The following SOX5 variants were observed in gnomAD, a reference collection of about 807,000 sequenced individuals.
SOX5 encodes transcription factor SOX-5.
A neutral mutation model predicts 92.0 loss-of-function variants in SOX5; 9 were observed. That is an observed-to-expected ratio of 0.10 (90% CI 0.06 to 0.17). The LOEUF (loss-of-function observed/expected upper bound fraction) is 0.17. SOX5 is among the 10% of genes least tolerant of loss of function. SOX5 has a pLI of 1.00. For missense variants in SOX5, 642 were observed against 944.5 expected, an observed-to-expected ratio of 0.68 and a Z score of 4.20; for synonymous variants, 344 against 336.3, an observed-to-expected ratio of 1.02 and a Z score of -0.25.
At chr12:23,909,089 C>T (rs1396273469) in intron 1 of SOX5, among the ~76,000 whole-genome samples, 2 of 152,126 alleles carry the variant, frequency 1.3e-5, no homozygotes, top group East Asian at 3.9e-4. Context: ...AGAAAATCAT[C>T]AAACTCCAGC....
At chr12:23,704,431 G>A (rs935553052) in intron 6 of SOX5, among the ~76,000 whole-genome samples, 2 of 151,328 alleles carry the variant, frequency 1.3e-5, no homozygotes, top group Admixed American at 1.3e-4. Flanking sequence ...GAATTTACAA[G>A]GAAATTATTA....
chr12:24,556,085 C>T (rs528889310), intron 1 of SOX5, among the ~76,000 whole-genome samples: 30 of 152,226 alleles, frequency 2.0e-4, no homozygotes, highest in African/African-American at 6.7e-4. Context: ...CAAGCTTCTT[C>T]CTACTCAATC....
chr12:23,809,835 A>G (rs1290291091), intron 3 of SOX5, among the ~76,000 whole-genome samples: 1 of 150,900 alleles, frequency 6.6e-6, no homozygotes, highest in Non-Finnish European at 1.5e-5. Context: ...AACAGACTGA[A>G]TTTCCCAATA....
At chr12:24,370,318 G>GA (rs919868261) in intron 1 of SOX5, among the ~76,000 whole-genome samples, 7 of 151,326 alleles carry the variant, frequency 4.6e-5, no homozygotes, top group South Asian at 2.1e-4. Context: ...ACTAAAAATA[G>GA]AAAAAAAATT....
chr12:23,721,005 T>G (rs1273734638), intron 6 of SOX5, among the ~76,000 whole-genome samples: 2 of 152,122 alleles, frequency 1.3e-5, no homozygotes, highest in Non-Finnish European at 2.9e-5. Context: ...CTGGACCATA[T>G]CTTCATCTAC....
intron 4 of SOX5, among the ~76,000 whole-genome samples, chr12:24,090,620 G>C (rs1458692510): frequency 2.6e-5 from 4 of 151,988 alleles, no homozygotes; most frequent in Non-Finnish European, 5.9e-5. Flanking sequence ...TTACAGTATG[G>C]CCAAAATATA....
chr12:23,652,802 C>T (rs2081781940), intron 7 of SOX5, among the ~76,000 whole-genome samples: 1 of 152,052 alleles, frequency 6.6e-6, no homozygotes, highest in Non-Finnish European at 1.5e-5. Context: ...GTCTCCCAGG[C>T]TCTAGTCCTC....
chr12:24,131,983 A>G (rs1949689795), intron 4 of SOX5, among the ~76,000 whole-genome samples: 1 of 152,164 alleles, frequency 6.6e-6, no homozygotes, highest in African/African-American at 2.4e-5. Context: ...TAGCTCAAGG[A>G]GCACGACCAC....
At chr12:24,035,396 T>C (rs1232266208) in intron 4 of SOX5, among the ~76,000 whole-genome samples, 1 of 152,052 alleles carries the variant, frequency 6.6e-6, no homozygotes, top group African/African-American at 2.4e-5. Flanking sequence ...CAAATAAACA[T>C]TTATAAACAA....
intron 4 of SOX5, among the ~76,000 whole-genome samples, chr12:24,123,133 T>C (rs1195675547): frequency 2.0e-5 from 3 of 152,252 alleles, no homozygotes; most frequent in Non-Finnish European, 4.4e-5. Flanking sequence ...CTCTGATACA[T>C]GCATGATCTT....
At chr12:24,269,459 G>A (rs1441327832) in intron 3 of SOX5, among the ~76,000 whole-genome samples, 3 of 152,058 alleles carry the variant, frequency 2.0e-5, no homozygotes, top group Admixed American at 6.5e-5. Context: ...ATACCTATGT[G>A]AAGTTTCTTA....
chr12:23,565,361 A>G (rs1946891567), intron 10 of SOX5, among the ~76,000 whole-genome samples: 1 of 152,156 alleles, frequency 6.6e-6, no homozygotes, highest in African/African-American at 2.4e-5. Flanking sequence ...TCATTTAGTA[A>G]TATCTTAAGA....
intron 3 of SOX5, among the ~76,000 whole-genome samples, chr12:23,816,207 C>CTTTTTTTTTTTTTTTTT (rs11347313): frequency 7.7e-6 from 1 of 129,652 alleles, no homozygotes. Context: ...GACAAGATTT[C>CTTTTTTTTTTTTTTTTT]TTTTTTTTTT....
intron 6 of SOX5, among the ~76,000 whole-genome samples, chr12:23,715,049 C>T (rs1158892470): frequency 6.6e-6 from 1 of 152,054 alleles, no homozygotes; most frequent in Non-Finnish European, 1.5e-5. Flanking sequence ...TAAAAAAATG[C>T]ATCCTTTTGG....
intron 2 of SOX5, among the ~76,000 whole-genome samples, chr12:24,298,938 T>C (rs576567527): frequency 4.6e-5 from 7 of 152,152 alleles, no homozygotes; most frequent in Non-Finnish European, 7.4e-5. Context: ...AGTTTTCATA[T>C]TATTAGAAAA....
chr12:23,786,877 GT>G (rs1245993075), intron 3 of SOX5, among the ~76,000 whole-genome samples: 1 of 145,396 alleles, frequency 6.9e-6, no homozygotes. Context: ...CTATTAACAT[GT>G]TTTTTTCTTT....
chr12:24,429,241 T>C (rs958437546), intron 1 of SOX5, among the ~76,000 whole-genome samples: 1 of 151,816 alleles, frequency 6.6e-6, no homozygotes, highest in Non-Finnish European at 1.5e-5. Context: ...GGCGTGAACC[T>C]GGGAGGCGGA....
chr12:24,321,834 T>C (rs1346892233), intron 2 of SOX5, among the ~76,000 whole-genome samples: 3 of 152,188 alleles, frequency 2.0e-5, no homozygotes, highest in African/African-American at 7.2e-5. Context: ...GGGGGAAAAG[T>C]TATATTATGT....
At chr12:24,108,086 AG>A (rs953565190) in intron 4 of SOX5, among the ~76,000 whole-genome samples, 5 of 152,194 alleles carry the variant, frequency 3.3e-5, no homozygotes, top group African/African-American at 9.7e-5. Flanking sequence ...ATATTTGTGA[AG>A]GGGAAGTCTT....
Sources: gnomAD v4.1 joint callset for allele counts (sites outside exome capture counted in the v4.1 genomes callset) on GRCh38, gnomAD v4.1.1 for gene constraint, MANE v1.5 for transcripts, NCBI Gene and HGNC (gene_info 2026-07-23, HGNC 2026-07-21) for gene names.